The following DRP2 variants were observed in gnomAD, a reference collection of about 807,000 sequenced individuals.
DRP2 encodes the protein dystrophin-related protein 2.
DRP2 carries 29 observed loss-of-function variants against 78.2 expected under a neutral mutation model. The ratio of observed to expected loss-of-function variants is 0.37; its 90% CI spans 0.28 to 0.51. The LOEUF (loss-of-function observed/expected upper bound fraction) is 0.51, where lower values mean the gene tolerates loss of function less well. DRP2 is among the 20% of genes least tolerant of loss of function. The probability of loss-of-function intolerance (pLI) is 0.94; values close to 1 mark genes in which losing one functional copy is unlikely to be tolerated. For missense variants in DRP2, 686 were observed against 770.6 expected (o/e 0.89, Z 1.30); for synonymous variants, 290 against 281.9 (o/e 1.03, Z -0.29).
At chrX:101,226,003 C>G (rs913904991) in intron 2 of DRP2, among the ~76,000 whole-genome samples, 10 of 111,967 alleles carry the variant, frequency 8.9e-5, no homozygotes, top group African/African-American at 3.2e-4. Flanking sequence ...CAGTTCCCTT[C>G]TCCAATGGTA....
At position 101,237,760 on chromosome X, in the gene DRP2, G is replaced by C; in HGVS notation, c.423G>C (p.Glu141Asp). Reference protein sequence around the residue: ...LQGDVALVQQEKETHAAFMEE... With the variant: ...LQGDVALVQQDKETHAAFMEE... ...GGGATGTGGCCCTGGTGCAACAGGA[G>C]AAGGAGACACATGCGGTAGGTTAGA... The change falls in exon 5 of 24, where the codon GAG becomes GAC. Residue 141 changes from glutamate (E) to aspartate (D), a missense_variant. By Grantham distance (45) the Glu-to-Asp change is conservative. Around this residue, in one of 2 missense-constraint regions of DRP2, gnomAD observed 263 missense variants for 239.1 expected, o/e 1.10. Coordinates refer to ENST00000395209, the MANE Select transcript of DRP2 (RefSeq NM_001939.3). 1 of 1,154,182 alleles carries C rather than the reference G, an allele frequency of 8.7e-7. No individual in the cohort carries two copies. The highest frequency in any genetic ancestry group is 1.2e-6 in the Non-Finnish European group (1 of 861,148).
intron 10 of DRP2, 126 bp from the exon 11 acceptor site, chrX:101,245,262 T>A (rs1158376582): frequency 1.2e-6 from 1 of 834,697 alleles, no homozygotes; most frequent in Non-Finnish European, 1.7e-6. Context: ...GGCTTTGGCA[T>A]CTTGGGTTTA....
chrX:101,224,969 G>A (rs186067868), intron 2 of DRP2, among the ~76,000 whole-genome samples: 9 of 112,060 alleles, frequency 8.0e-5, no homozygotes, highest in African/African-American at 2.9e-4. Flanking sequence ...CACTTCTGGA[G>A]GTCTTTTTGT....
chrX:101,249,814 G>A (rs933518920), intron 14 of DRP2, among the ~76,000 whole-genome samples: 2 of 111,912 alleles, frequency 1.8e-5, no homozygotes, highest in Non-Finnish European at 3.8e-5. Flanking sequence ...TCCTAGAAGG[G>A]CTTAAATAAC....
rs1041611691 is a variant in DRP2, at chrX:101,263,166, C to T, written c.*2545C>T. 3 of 111,879 alleles carry T rather than the reference C, an allele frequency of 2.7e-5. No homozygotes were observed. The highest frequency in any genetic ancestry group is 9.7e-5 in the African/African-American group (3 of 30,808). The allele number at this position is 111,879 out of a possible 1,213,427, so 9.2% of individuals were successfully genotyped here. A position where few individuals can be genotyped will look rare whatever the true frequency, so the allele number is the denominator to read the frequency against. On this transcript the variant is annotated 3_prime_UTR_variant, in exon 24 of 24. Transcript: ENST00000395209. Reference sequence around the variant, plus strand: ...TATTGTTCAAGGGTCCAGGGACAGTCACTGCAGTATGTGTGGGGAATTTTC... The same window carrying T: ...TATTGTTCAAGGGTCCAGGGACAGTTACTGCAGTATGTGTGGGGAATTTTC...
In DRP2 at chrX:101,237,697, A is replaced by G. The variant is rs1602918207; in HGVS notation, c.360A>G (p.Gln120=). The G allele has an allele frequency of 8.5e-7, 1 of 1,180,377 alleles. No individual in the cohort carries two copies. Residue 120 remains glutamine (Q), a synonymous_variant, in exon 5 of 24, where the codon CAA becomes CAG. Coordinates refer to ENST00000395209, the MANE Select transcript of DRP2 (RefSeq NM_001939.3). ...PLQEIIDWLS[Q]KDEELSAQLP... ...AAGAGATTATTGACTGGCTCAGCCA[A>G]AAGGATGAGGAGTTGTCAGCTCAGC...
chrX:101,239,203 A>C, intron 6 of DRP2, 102 bp downstream of exon 6: 2 of 1,018,555 alleles, frequency 2.0e-6, no homozygotes, highest in Non-Finnish European at 2.6e-6. Flanking sequence ...CTTACCTGTT[A>C]TCTAGGAGGA....
At chrX:101,233,095 G>A (rs1922365224) in intron 3 of DRP2, among the ~76,000 whole-genome samples, 1 of 112,147 alleles carries the variant, frequency 8.9e-6, no homozygotes, top group Admixed American at 9.4e-5. Context: ...TGCCTATTGT[G>A]TGCCTGGCTC....
At chrX:101,255,307 A>T in intron 20 of DRP2, 58 bp downstream of exon 20, 1 of 1,114,567 alleles carries the variant, frequency 9.0e-7, no homozygotes, top group Non-Finnish European at 1.2e-6. Context: ...TCTTTGTGCC[A>T]CTGTTTGGGA....
chrX:101,232,881 G>A (rs1391563626), intron 3 of DRP2, among the ~76,000 whole-genome samples: 2 of 112,092 alleles, frequency 1.8e-5, no homozygotes, highest in Non-Finnish European at 3.8e-5. Context: ...AGGGAAACCT[G>A]AGGGCTTCAT....
At chrX:101,239,277 G>A (rs1922629753) in intron 6 of DRP2, among the ~76,000 whole-genome samples, 176 bp downstream of exon 6, 1 of 111,626 alleles carries the variant, frequency 9.0e-6, no homozygotes, top group Admixed American at 9.5e-5. Context: ...AGGAAAAAAA[G>A]CAAAGAGAAT....
intron 21 of DRP2, 147 bp from the exon 22 acceptor site, chrX:101,258,162 C>T (rs764843760): frequency 2.6e-5 from 12 of 454,717 alleles, no homozygotes; most frequent in Non-Finnish European, 4.0e-5. Context: ...CAAGCAAGAG[C>T]ACAGCTGGGG....
intron 4 of DRP2, 127 bp from the exon 5 acceptor site, chrX:101,237,492 G>A: frequency 1.3e-6 from 1 of 766,984 alleles, no homozygotes. Flanking sequence ...CCTCCCACTT[G>A]AACCAGAAAA....
In DRP2 at chrX:101,261,695, G is replaced by A. The variant is rs1001029702; in HGVS notation, c.*1074G>A. ...TAGTGGCCCCTCCATAGGAGCCACA[G>A]GCCACAAATCAGGAAGCTGGCCACT... is the stretch of plus-strand genomic sequence containing the variant. On this transcript the variant is annotated 3_prime_UTR_variant, in exon 24 of 24. Coordinates refer to ENST00000395209, the MANE Select transcript of DRP2 (RefSeq NM_001939.3). 4 of 112,414 alleles carry A rather than the reference G, an allele frequency of 3.6e-5. No individual in the cohort carries two copies. The highest frequency in any genetic ancestry group is 1.3e-4 in the African/African-American group (4 of 30,949). The allele number at this position is 112,414 out of a possible 1,213,427, so 9.3% of individuals were successfully genotyped here.
intron 4 of DRP2, among the ~76,000 whole-genome samples, chrX:101,237,406 T>TAAAACCA (rs1922547971): frequency 8.9e-6 from 1 of 111,947 alleles, no homozygotes; most frequent in Admixed American, 9.5e-5. Context: ...TTCTACCTAC[T>TAAAACCA]GGTTTTAGTA....
chrX:101,236,630 A>G (rs893310505), intron 4 of DRP2, among the ~76,000 whole-genome samples: 2 of 111,592 alleles, frequency 1.8e-5, no homozygotes, highest in South Asian at 3.8e-4. Flanking sequence ...TCCACCCTCT[A>G]TCATCAAAGT....
Position 101,254,862 on chromosome X carries a change from G to T in DRP2, c.2118G>T (p.Pro706=), listed in dbSNP as rs768354474. 1.7e-6 allele frequency: 2 copies of T among 1,211,963 alleles called. No homozygotes were observed. The highest frequency in any genetic ancestry group is 5.9e-5 in the East Asian group (2 of 33,841). Residue 706 remains proline (P), a synonymous_variant, in exon 19 of 24, where the codon CCG becomes CCT. Transcript: ENST00000395209. ...AGTCTTTGCTGCTTTCTTCTAGGCC[G>T]GCTTCTTCCCCGATGTGGCCACACG... The part of the protein sequence containing the change: ...SVLEADYSET[P]ASSPMWPHAD...
rs1417493975 is a variant in DRP2, at chrX:101,248,585, A to G, written c.1526A>G (p.Lys509Arg). The G allele has an allele frequency of 8.3e-7, 1 of 1,211,529 alleles. No individual in the cohort carries two copies. Among genetic ancestry groups the G allele is most frequent in the African/African-American group, 1.7e-5 (1 of 57,978 alleles). Residue 509 changes from lysine (K) to arginine (R), a missense_variant, in exon 14 of 24, where the codon AAG (lysine) becomes AGG (arginine). Coordinates refer to ENST00000395209, the MANE Select transcript of DRP2 (RefSeq NM_001939.3). The stretch of plus-strand genomic sequence containing the variant: ...GCATGCTTGTGTGGCACGGAAGTGA[A>G]GGAAAAACTTCAGTGTGAGTAGAAC... ...GIACLCGTEV[K>R]EKLQYLFSQV...
Position 101,260,697 on chromosome X carries a change from A to G in DRP2, c.*76A>G. Reference sequence around the variant, plus strand: ...AAAGCCTTTCCTCAGCCTTCACCCAACCTTTCCAGTTTCCACTGGCCCCAC... The same window carrying G: ...AAAGCCTTTCCTCAGCCTTCACCCAGCCTTTCCAGTTTCCACTGGCCCCAC... On this transcript the variant is annotated 3_prime_UTR_variant, in exon 24 of 24. Transcript: ENST00000395209. The G allele has an allele frequency of 9.0e-7, 1 of 1,112,062 alleles. No individual in the cohort carries two copies. Among genetic ancestry groups the G allele is most frequent in the Non-Finnish European group, 1.2e-6 (1 of 836,983 alleles). 91.6% of individuals were successfully genotyped at this position (1,112,062 alleles called of 1,213,427 possible).
Sources: gnomAD v4.1 joint callset for allele counts (sites outside exome capture counted in the v4.1 genomes callset) on GRCh38, gnomAD v4.1.1 for gene constraint, gnomAD v4.1.1 regional missense constraint, MANE v1.5 for transcripts, NCBI Gene and HGNC (gene_info 2026-07-23, HGNC 2026-07-21) for gene names.